RNU5D-1: variants seen among roughly 807,000 people sequenced by gnomAD.
RNU5D-1 encodes the protein RNA, U5D small nuclear 1.
exon 1 of RNU5D-1, chr1:44,731,079 A>G (rs923892254): frequency 1.3e-5 from 2 of 152,130 alleles, no homozygotes. Flanking sequence ...AGGGCTTCAA[A>G]AAATTTGCTT....
exon 1 of RNU5D-1, chr1:44,731,145 T>G (rs534975763): frequency 6.6e-6 from 1 of 151,622 alleles, no homozygotes; most frequent in South Asian, 2.1e-4. Flanking sequence ...GAAAGATTTA[T>G]ACGATTTGAA....
At chr1:44,731,075 T>TA (rs1440343422) in exon 1 of RNU5D-1, 4 of 152,094 alleles carry the variant, frequency 2.6e-5, no homozygotes, top group Admixed American at 1.3e-4. Context: ...ACATAGGGCT[T>TA]CAAAAAATTT....
exon 1 of RNU5D-1, chr1:44,731,078 A>G (rs1340395393): frequency 5.3e-5 from 8 of 152,102 alleles, no homozygotes; most frequent in East Asian, 1.9e-4. Context: ...TAGGGCTTCA[A>G]AAAATTTGCT....
exon 1 of RNU5D-1, chr1:44,731,126 G>C (rs113217480): frequency 4.6e-5 from 7 of 151,996 alleles, no homozygotes; most frequent in South Asian, 2.1e-4. Context: ...GAAATCTTTA[G>C]TAAAAGGCGA....
chr1:44,731,104 T>C (rs771532179), exon 1 of RNU5D-1: 24 of 151,210 alleles, frequency 1.6e-4, no homozygotes, highest in African/African-American at 4.4e-4. Context: ...CTCAAAACGG[T>C]TTCTCTCCAC....
At chr1:44,731,152 T>G (rs1015433889) in exon 1 of RNU5D-1, 2 of 151,232 alleles carry the variant, frequency 1.3e-5, no homozygotes, top group Non-Finnish European at 1.5e-5. Flanking sequence ...TTATACGATT[T>G]GAAGAGAAAC....
At chr1:44,731,085 T>C (rs563698558) in exon 1 of RNU5D-1, 31 of 152,200 alleles carry the variant, frequency 2.0e-4, no homozygotes, top group East Asian at 1.2e-3. Context: ...TCAAAAAATT[T>C]GCTTGAAACT....
chr1:44,731,170 T>G (rs995404337), exon 1 of RNU5D-1: 6 of 151,848 alleles, frequency 4.0e-5, no homozygotes, highest in South Asian at 4.2e-4. Flanking sequence ...AACCAGAGCA[T>G]GTGTTGGAAT....
At chr1:44,731,121 C>CGT (rs1271512024) in exon 1 of RNU5D-1, 5 of 151,926 alleles carry the variant, frequency 3.3e-5, no homozygotes, top group Non-Finnish European at 7.4e-5. Flanking sequence ...CCACGGAAAT[C>CGT]TTTAGTAAAA....
At chr1:44,731,081 A>G (rs866685577) in exon 1 of RNU5D-1, 7 of 152,088 alleles carry the variant, frequency 4.6e-5, no homozygotes, top group African/African-American at 1.7e-4. Flanking sequence ...GGCTTCAAAA[A>G]ATTTGCTTGA....
exon 1 of RNU5D-1, chr1:44,731,081 A>C (rs866685577): frequency 3.9e-5 from 6 of 152,088 alleles, no homozygotes; most frequent in Admixed American, 1.3e-4. Flanking sequence ...GGCTTCAAAA[A>C]ATTTGCTTGA....
exon 1 of RNU5D-1, chr1:44,731,115 G>C (rs148029985): frequency 4.0e-5 from 6 of 151,870 alleles, no homozygotes; most frequent in East Asian, 1.9e-4. Flanking sequence ...TTCTCTCCAC[G>C]GAAATCTTTA....
rs192101981 is a variant in RNU5D-1, at chr1:44,731,121, C to G, written n.50G>C. ...CAAAACGGTTTCTCTCCACGGAAAT[C>G]TTTAGTAAAAGGCGAAAGATTTATA... is the stretch of plus-strand genomic sequence containing the variant. On this transcript the variant is annotated non_coding_transcript_exon_variant, in exon 1 of 1. Coordinates refer to ENST00000363299, the Ensembl canonical transcript of RNU5D-1. 5.9e-5 allele frequency: 9 copies of G among 152,044 alleles called. 1 individual carries two copies. The highest frequency in any genetic ancestry group is 1.3e-4 in the Admixed American group (2 of 15,222). The allele number at this position is 152,044 out of a possible 1,614,324, so 9.4% of individuals were successfully genotyped here.
At chr1:44,731,157 A>AT (rs1557582141) in exon 1 of RNU5D-1, 1 of 151,142 alleles carries the variant, frequency 6.6e-6, no homozygotes, top group African/African-American at 2.4e-5. Context: ...CGATTTGAAG[A>AT]GAAACCAGAG....
At chr1:44,731,077 A>T (rs977470085) in exon 1 of RNU5D-1, 2 of 152,048 alleles carry the variant, frequency 1.3e-5, no homozygotes, top group Non-Finnish European at 2.9e-5. Flanking sequence ...ATAGGGCTTC[A>T]AAAAATTTGC....
chr1:44,731,080 A>T (rs960883483), exon 1 of RNU5D-1: 4 of 152,142 alleles, frequency 2.6e-5, no homozygotes, highest in Admixed American at 2.0e-4. Flanking sequence ...GGGCTTCAAA[A>T]AATTTGCTTG....
exon 1 of RNU5D-1, chr1:44,731,101 C>G (rs112510843): frequency 2.6e-5 from 4 of 151,928 alleles, no homozygotes; most frequent in Admixed American, 6.6e-5. Context: ...AAACTCAAAA[C>G]GGTTTCTCTC....
chr1:44,731,154 A>G (rs976251089), exon 1 of RNU5D-1: 3 of 151,264 alleles, frequency 2.0e-5, no homozygotes, highest in South Asian at 4.2e-4. Flanking sequence ...ATACGATTTG[A>G]AGAGAAACCA....
At chr1:44,731,081 A>T (rs866685577) in exon 1 of RNU5D-1, 3 of 152,088 alleles carry the variant, frequency 2.0e-5, no homozygotes, top group Non-Finnish European at 4.4e-5. Context: ...GGCTTCAAAA[A>T]ATTTGCTTGA....
Sources: gnomAD v4.1 joint callset for allele counts on GRCh38, gnomAD v4.1.1 for gene constraint, MANE v1.5 for transcripts, NCBI Gene and HGNC (gene_info 2026-07-23, HGNC 2026-07-21) for gene names.